Variants in SMURF1 observed in about 807,000 individuals in gnomAD.
The protein encoded by SMURF1 is E3 ubiquitin-protein ligase SMURF1.
SMURF1 carries 44 observed loss-of-function variants against 98.0 expected under a neutral mutation model. That is an observed-to-expected ratio of 0.45 (90% CI 0.35 to 0.58). The LOEUF (loss-of-function observed/expected upper bound fraction) is 0.58, where lower values mean the gene tolerates loss of function less well. Among genes scored for constraint, SMURF1 ranks in the 20% least tolerant of loss-of-function variants. The pLI is 0.00. For synonymous variants in SMURF1, 396 were observed against 374.9 expected (o/e 1.06, Z -0.65); for missense variants, 687 against 938.4 (o/e 0.73, Z 3.50).
chr7:99,077,341 AT>A (rs1244024151), intron 1 of SMURF1, among the ~76,000 whole-genome samples: 10 of 139,148 alleles, frequency 7.2e-5, no homozygotes, highest in East Asian at 2.1e-4. Context: ...ATTTTTTTTT[AT>A]TTTTTTTTTG....
At chr7:99,049,323 C>T (rs1423744897) in intron 9 of SMURF1, 19 of 471,554 alleles carry the variant, frequency 4.0e-5, no homozygotes, top group South Asian at 2.9e-4. Flanking sequence ...ACTGCCATCT[C>T]GGTAAATTTT....
intron 1 of SMURF1, among the ~76,000 whole-genome samples, chr7:99,075,273 C>G (rs1487255983): frequency 6.6e-6 from 1 of 152,170 alleles, no homozygotes; most frequent in Admixed American, 6.5e-5. Context: ...GCATGCGCCA[C>G]CAAGCCTGGC....
In SMURF1 at chr7:99,054,874, G is replaced by A. The variant is rs1217139905; in HGVS notation, c.404-9C>T. 3 of 1,610,250 alleles carry A rather than the reference G, an allele frequency of 1.9e-6. No individual in the cohort carries two copies. The highest frequency in any genetic ancestry group is 4.5e-5 in the East Asian group (2 of 44,638). ...TCGTGTCTGTAAACTGACTAAAAGAGAAAAGAACGACTTGTGTTAAAACCC... is the reference window on the plus strand; with the variant it reads ...TCGTGTCTGTAAACTGACTAAAAGAAAAAAGAACGACTTGTGTTAAAACCC... On this transcript the variant is annotated splice_polypyrimidine_tract_variant and intron_variant, in intron 5 of 17. Transcript: ENST00000361368.
chr7:99,052,090 A>T, intron 7 of SMURF1, 115 bp downstream of exon 7: 2 of 1,388,650 alleles, frequency 1.4e-6, no homozygotes, highest in Non-Finnish European at 1.9e-6. Flanking sequence ...AGCCATGATC[A>T]TGCCACTGCA....
intron 1 of SMURF1, among the ~76,000 whole-genome samples, chr7:99,069,982 G>A (rs752424565): frequency 3.9e-5 from 6 of 152,224 alleles, no homozygotes; most frequent in Non-Finnish European, 8.8e-5. Flanking sequence ...GGCTTTGGAG[G>A]TGGGAACAGA....
chr7:99,121,773 G>C (rs1046978320), intron 1 of SMURF1, among the ~76,000 whole-genome samples: 2 of 152,182 alleles, frequency 1.3e-5, no homozygotes, highest in African/African-American at 4.8e-5. Flanking sequence ...GCGCATTGCT[G>C]AGAGATAAAA....
chr7:99,107,096 T>C (rs58965488), intron 1 of SMURF1, among the ~76,000 whole-genome samples: 21,636 of 152,162 alleles, frequency 0.14, 3,456 homozygotes, highest in African/African-American at 0.39. Flanking sequence ...TCACTGCCCT[T>C]AGCACCTGCA....
At chr7:99,042,740 G>A (rs1471880032) in intron 11 of SMURF1, among the ~76,000 whole-genome samples, 5 of 152,238 alleles carry the variant, frequency 3.3e-5, no homozygotes, top group Non-Finnish European at 7.3e-5. Context: ...ACAAACACCT[G>A]TGGCAGATCT....
chr7:99,063,721 G>A (rs1796121603), intron 1 of SMURF1, among the ~76,000 whole-genome samples: 1 of 151,170 alleles, frequency 6.6e-6, no homozygotes, highest in African/African-American at 2.4e-5. Context: ...AAAAAGAAAG[G>A]CCATACCCAG....
intron 1 of SMURF1, among the ~76,000 whole-genome samples, chr7:99,078,268 C>T (rs1378174806): frequency 6.7e-6 from 1 of 149,058 alleles, no homozygotes; most frequent in Non-Finnish European, 1.5e-5. Context: ...TACCAGTGCA[C>T]TCCAGCCTGG....
intron 1 of SMURF1, among the ~76,000 whole-genome samples, chr7:99,064,239 T>C (rs1351540783): frequency 1.3e-5 from 2 of 152,234 alleles, no homozygotes; most frequent in East Asian, 1.9e-4. Flanking sequence ...CTTTCCTTCA[T>C]AGGCTATCTA....
chr7:99,041,401 CA>C (rs769817730), intron 12 of SMURF1, among the ~76,000 whole-genome samples: 15 of 151,782 alleles, frequency 9.9e-5, no homozygotes, highest in South Asian at 8.3e-4. Context: ...GACTCTCTCT[CA>C]AAAAAAAGAA....
chr7:99,037,594 C>A (rs112409045), intron 14 of SMURF1, among the ~76,000 whole-genome samples: 3 of 152,342 alleles, frequency 2.0e-5, no homozygotes, highest in Admixed American at 6.5e-5. Context: ...CTGAGCCCCC[C>A]ACTCCCCGGA....
intron 1 of SMURF1, among the ~76,000 whole-genome samples, chr7:99,116,171 AGGGG>A (rs1797445363): frequency 6.6e-6 from 1 of 152,232 alleles, no homozygotes; most frequent in African/African-American, 2.4e-5. Flanking sequence ...AATCGAATAA[AGGGG>A]GAAAACCACA....
intron 1 of SMURF1, among the ~76,000 whole-genome samples, chr7:99,131,580 C>CA (rs1231873178): frequency 6.6e-6 from 1 of 152,052 alleles, no homozygotes; most frequent in Non-Finnish European, 1.5e-5. Flanking sequence ...CCTGTCTCTA[C>CA]AAAAAGTTTA....
intron 14 of SMURF1, 56 bp from the exon 15 acceptor site, chr7:99,037,243 C>T: frequency 2.5e-6 from 4 of 1,610,166 alleles, no homozygotes; most frequent in Non-Finnish European, 3.4e-6. Context: ...CCGCCATGGG[C>T]AGGTTTTTTT....
chr7:99,102,064 A>AAGG (rs577815059), intron 1 of SMURF1, among the ~76,000 whole-genome samples: 2 of 152,300 alleles, frequency 1.3e-5, no homozygotes, highest in African/African-American at 4.8e-5. Context: ...TTTCAAAGAC[A>AAGG]AGGCATTGTA....
intron 3 of SMURF1, among the ~76,000 whole-genome samples, chr7:99,057,919 G>A (rs965602111): frequency 5.9e-5 from 9 of 151,904 alleles, no homozygotes; most frequent in Non-Finnish European, 1.3e-4. Flanking sequence ...TCTGAATTAT[G>A]ATATCTCATT....
intron 1 of SMURF1, among the ~76,000 whole-genome samples, chr7:99,114,175 A>C (rs1797390394): frequency 6.6e-6 from 1 of 152,208 alleles, no homozygotes; most frequent in African/African-American, 2.4e-5. Flanking sequence ...TGTTAATTGT[A>C]AACCACGGGG....
Sources: allele counts gnomAD v4.1 joint callset (sites outside exome capture counted in the v4.1 genomes callset), GRCh38; gene constraint gnomAD v4.1.1; transcripts MANE v1.5; gene names NCBI Gene and HGNC (gene_info 2026-07-23, HGNC 2026-07-21).